SPG11: variants seen among roughly 807,000 people sequenced by gnomAD.
SPG11 encodes spatacsin.
SPG11 carries 222 observed loss-of-function variants against 274.0 expected under a neutral mutation model. That is an observed-to-expected ratio of 0.81 (90% CI 0.73 to 0.91). The LOEUF is 0.91. Ranked by LOEUF, SPG11 falls within the 40% of genes least tolerant of loss-of-function variation. The pLI, the probability that SPG11 is intolerant of heterozygous loss-of-function variation, is 0.00. For missense variants in SPG11, 3,114 were observed against 2,872.7 expected (o/e 1.08, Z -1.92); for synonymous variants, 1,144 against 1,039.7 (o/e 1.10, Z -1.93).
rs575800794 is a variant in SPG11 at position 44,618,680 on chromosome 15, C to T, written c.2834+1510G>A. ...AAAATAAAAAAAGAAATCAGCCGGG[C>T]GTGGTGGTGGGTGCCTGTAGTCCCA... is the stretch of plus-strand genomic sequence containing the variant. On this transcript the variant is annotated intron_variant, in intron 15 of 39. Transcript: ENST00000261866. Among the ~76,000 whole-genome samples the T allele has an allele frequency of 1.9e-4, 29 of 151,814 alleles. 1 individual carries two copies. The highest frequency in any genetic ancestry group is 1.2e-3 in the Admixed American group (18 of 15,194).
At position 44,658,438 on chromosome 15, in the gene SPG11, A is replaced by G. The variant is rs2085002235; in HGVS notation, c.667+641T>C. ...AGAGGTAGACTATATTTATACATGA[A>G]AAGACATGTATCACAACATAAGCTT... On this transcript the variant is annotated intron_variant, in intron 3 of 39. Coordinates refer to ENST00000261866, the MANE Select transcript of SPG11 (RefSeq NM_025137.4). 2.0e-5 allele frequency among the ~76,000 whole-genome samples: 3 copies of G among 152,204 alleles called. No individual in the cohort carries two copies. The South Asian group carries it at 6.2e-4, about 32-fold the overall frequency.
intron 15 of SPG11, 60 bp from the exon 16 acceptor site, chr15:44,615,626 T>G (rs1342887445): frequency 1.4e-6 from 2 of 1,442,604 alleles, no homozygotes; most frequent in Non-Finnish European, 1.9e-6. Flanking sequence ...GTAGACCAAA[T>G]CATGCCCACA....
chr15:44,596,049 T>C (rs1356010240), intron 25 of SPG11, 34 bp downstream of exon 25: 2 of 1,611,932 alleles, frequency 1.2e-6, no homozygotes, highest in Non-Finnish European at 1.7e-6. Context: ...TATTGTTCTC[T>C]GGGTACTTAC....
chr15:44,598,356 G>A lies in SPG11; in HGVS notation c.3910C>T (p.Leu1304=). 6.2e-7 allele frequency: 1 copy of A among 1,613,936 alleles called. No individual in the cohort carries two copies. The highest frequency in any genetic ancestry group is 8.5e-7 in the Non-Finnish European group (1 of 1,179,856). The stretch of plus-strand genomic sequence containing the variant: ...GTGGTTGTCTTTTCACCATCAGCTA[G>A]TTTAGATAGTTTTTCGGCTGTAAGA... ...RESVAEKLSK[L]ADGEKTTTEE... The change falls in exon 23 of 40, where the codon CTA becomes TTA. Residue 1304 remains leucine, a synonymous_variant. Coordinates refer to ENST00000261866, the MANE Select transcript of SPG11 (RefSeq NM_025137.4).
rs759910630 is a variant in SPG11 at position 44,620,182 on chromosome 15, TATA to T, written c.2834+5_2834+7del. 10 of 1,603,476 alleles carry T rather than the reference TATA, an allele frequency of 6.2e-6. No individual in the cohort carries two copies. The African/African-American group carries it at 1.3e-4, about 21-fold the overall frequency. On this transcript the variant is annotated splice_donor_5th_base_variant and intron_variant, in intron 15 of 39. Coordinates refer to ENST00000261866, the MANE Select transcript of SPG11 (RefSeq NM_025137.4). ...TCCCATTGGGTATTAGTTCAACAGT[TATA>T]ATACCTGGCCAGCTTATCTAAAATT...
rs551095608 is a variant in SPG11 at position 44,564,591 on chromosome 15, C to T, written c.7107G>A (p.Gln2369=). ...ATATACTGGACTTTAATAACCTTTG[C>T]TGCTTAAATTCTTCCAAGTAATTAA... The part of the protein sequence containing the change: ...GDFNYLEEFK[Q]QRLLKSSIFE... Residue 2369 remains glutamine (Q), a synonymous_variant, in exon 39 of 40, where the codon CAG becomes CAA. Coordinates refer to ENST00000261866, the MANE Select transcript of SPG11 (RefSeq NM_025137.4). 1.2e-6 allele frequency: 2 copies of T among 1,613,966 alleles called. No individual in the cohort carries two copies. Among genetic ancestry groups the T allele is most frequent in the African/African-American group, 2.7e-5 (2 of 75,048 alleles).
At chr15:44,597,833 C>T (rs1426438479) in intron 23 of SPG11, among the ~76,000 whole-genome samples, 1 of 152,178 alleles carries the variant, frequency 6.6e-6, no homozygotes. Context: ...TATCAACTGA[C>T]ATAATAAAAT....
intron 3 of SPG11, 41 bp from the exon 4 acceptor site, chr15:44,657,337 A>G (rs1303017704): frequency 1.3e-6 from 2 of 1,573,416 alleles, no homozygotes; most frequent in Admixed American, 1.7e-5. Flanking sequence ...TTTTGTAAGT[A>G]TGCCTAACTA....
chr15:44,585,714 C>T lies in SPG11; in HGVS notation c.5043G>A (p.Gln1681=), dbSNP rs1595845600. 6.2e-7 allele frequency: 1 copy of T among 1,613,278 alleles called. No homozygotes were observed. The highest frequency in any genetic ancestry group is 1.7e-5 in the Admixed American group (1 of 59,926). ...HECRSILERL[Q]TDGQFALARR... ...TGGCCAAAGCGAATTGTCCATCTGT[C>T]TGCAGTCTTTCCAAAATAGATCTAC... is the stretch of plus-strand genomic sequence containing the variant. Residue 1681 remains glutamine, a synonymous_variant, in exon 29 of 40, where the codon CAG becomes CAA. Transcript: ENST00000261866.
intron 27 of SPG11, among the ~76,000 whole-genome samples, chr15:44,589,644 T>C (rs992179388): frequency 2.0e-5 from 3 of 152,104 alleles, no homozygotes; most frequent in African/African-American, 7.2e-5. Flanking sequence ...TTGTGGAAAG[T>C]TCTGGTATAG....
Position 44,584,356 on chromosome 15 carries a change from A to C in SPG11, c.5324T>G (p.Leu1775Arg). ...AAGCCAGTGCCCTGCCAAGGTGAGC[A>C]GCAGATGGCGCTCCTCCATGCTGCT... is the stretch of plus-strand genomic sequence containing the variant. ...GWSSMEERHL[L>R]LTLAGHWLAQ... Residue 1775 changes from leucine (L) to arginine (R), a missense_variant, in exon 30 of 40, where the codon CTG (leucine) becomes CGG (arginine). Physicochemically the swap from Leu to Arg is moderately radical, Grantham distance 102. Coordinates refer to ENST00000261866, the MANE Select transcript of SPG11 (RefSeq NM_025137.4). 6.2e-7 allele frequency: 1 copy of C among 1,611,332 alleles called. No homozygotes were observed. The highest frequency in any genetic ancestry group is 8.5e-7 in the Non-Finnish European group (1 of 1,178,010).
intron 32 of SPG11, 54 bp from the exon 33 acceptor site, chr15:44,572,874 C>A: frequency 1.3e-6 from 2 of 1,599,924 alleles, no homozygotes; most frequent in South Asian, 1.1e-5. Context: ...GAGGCCCACT[C>A]TGCCCAGGCT....
At chr15:44,639,385 T>C (rs55932393) in intron 7 of SPG11, among the ~76,000 whole-genome samples, 54,200 of 151,792 alleles carry the variant, frequency 0.36, 11,188 homozygotes, top group South Asian at 0.51. Flanking sequence ...CATGTTATAC[T>C]AGAGACCCTA....
intron 27 of SPG11, 44 bp downstream of exon 27, chr15:44,592,287 C>T (rs372141890): frequency 1.7e-6 from 2 of 1,211,032 alleles, no homozygotes; most frequent in African/African-American, 3.0e-5. Flanking sequence ...TGCATGCCAA[C>T]CAAGTGCAGA....
intron 36 of SPG11, among the ~76,000 whole-genome samples, chr15:44,566,559 C>T (rs1287620470): frequency 4.6e-5 from 7 of 152,182 alleles, no homozygotes; most frequent in Middle Eastern, 3.2e-3. Context: ...ATGGTATCAA[C>T]GTGCATGTTG....
chr15:44,598,860 C>T, intron 21 of SPG11, 24 bp from the exon 22 acceptor site: 1 of 1,603,748 alleles, frequency 6.2e-7, no homozygotes, highest in Non-Finnish European at 8.5e-7. Flanking sequence ...GAATCAAAAT[C>T]ACATCAGCAC....
At chr15:44,565,767 C>T in intron 38 of SPG11, 87 bp downstream of exon 38, 16 of 1,541,064 alleles carry the variant, frequency 1.0e-5, no homozygotes, top group Non-Finnish European at 1.4e-5. Context: ...TGTCACTAGC[C>T]CTGAGACCTT....
chr15:44,651,858 G>C lies in SPG11; in HGVS notation c.1089C>G (p.Phe363Leu), dbSNP rs748818560. 6.2e-7 allele frequency: 1 copy of C among 1,613,800 alleles called. No individual in the cohort carries two copies. The highest frequency in any genetic ancestry group is 8.5e-7 in the Non-Finnish European group (1 of 1,179,850). The change falls in exon 6 of 40, where the codon TTC (phenylalanine) becomes TTG (leucine). Residue 363 changes from phenylalanine to leucine, a missense_variant. Physicochemically the swap from Phe to Leu is conservative, Grantham distance 22. Coordinates refer to ENST00000261866, the MANE Select transcript of SPG11 (RefSeq NM_025137.4). The part of the protein sequence containing the change: ...KLEVSCCAPW[F>L]QDILHLESPE... Reference sequence around the variant, plus strand: ...GTGACTCCAAATGCAAAATATCCTGGAACCATGGAGCACAACAGGAAACCT... The same window carrying C: ...GTGACTCCAAATGCAAAATATCCTGCAACCATGGAGCACAACAGGAAACCT...
rs917437879 is a variant in SPG11 at position 44,661,617 on chromosome 15, T to TA, written c.258-1002dup. Among the ~76,000 whole-genome samples, 21 of 151,640 alleles carry TA rather than the reference T, an allele frequency of 1.4e-4. No homozygotes were observed. In the South Asian group the frequency reaches 1.7e-3, roughly 12 times the overall value. On this transcript the variant is annotated intron_variant, in intron 1 of 39. Coordinates refer to ENST00000261866, the MANE Select transcript of SPG11 (RefSeq NM_025137.4). Reference sequence around the variant, plus strand: ...ATAGTATTAATATGTCCTTATTAGGTAAAAAAAAGACATTTTTCTGACTGT... The same window carrying TA: ...ATAGTATTAATATGTCCTTATTAGGTAAAAAAAAAGACATTTTTCTGACTGT...
Sources: gnomAD v4.1 joint callset for allele counts (sites outside exome capture counted in the v4.1 genomes callset) on GRCh38, gnomAD v4.1.1 for gene constraint, MANE v1.5 for transcripts, NCBI Gene and HGNC (gene_info 2026-07-23, HGNC 2026-07-21) for gene names.